The following DOT1L variants were observed in gnomAD, a reference collection of about 807,000 sequenced individuals.
The protein encoded by DOT1L is histone-lysine N-methyltransferase, H3 lysine-79 specific.
In DOT1L, 33 loss-of-function variants were observed where a neutral mutation model predicts 153.3. The ratio of observed to expected loss-of-function variants is 0.22; its 90% CI spans 0.16 to 0.29. DOT1L has a LOEUF of 0.29. Ranked by LOEUF, DOT1L falls within the 10% of genes least tolerant of loss-of-function variation. The pLI is 1.00. For synonymous variants in DOT1L, 1,135 were observed against 965.1 expected, an observed-to-expected ratio of 1.18 and a Z score of -3.26; for missense variants, 1,847 against 2,119.9, an observed-to-expected ratio of 0.87 and a Z score of 2.53.
At chr19:2,189,322 G>A (rs991747600) in intron 3 of DOT1L, among the ~76,000 whole-genome samples, 3 of 152,282 alleles carry the variant, frequency 2.0e-5, no homozygotes, top group East Asian at 1.9e-4. Context: ...TGCCTCTGGC[G>A]ATGGTGGCTG....
intron 13 of DOT1L, 35 bp downstream of exon 13, chr19:2,210,545 C>T (rs749216225): frequency 1.4e-5 from 22 of 1,588,148 alleles, no homozygotes; most frequent in Non-Finnish European, 1.9e-5. Flanking sequence ...TGCTGGAGGG[C>T]ACCCGCCCCC....
At chr19:2,200,487 A>G (rs1285019423) in intron 8 of DOT1L, among the ~76,000 whole-genome samples, 1 of 151,990 alleles carries the variant, frequency 6.6e-6, no homozygotes, top group African/African-American at 2.4e-5. Flanking sequence ...CGGGCTCTGT[A>G]TGGTTGGGCT....
chr19:2,165,744 G>A (rs931530288), intron 1 of DOT1L, among the ~76,000 whole-genome samples: 2 of 151,802 alleles, frequency 1.3e-5, no homozygotes, highest in African/African-American at 4.8e-5. Flanking sequence ...ACCACCGTCC[G>A]ACCAGCCCCA....
intron 3 of DOT1L, 68 bp downstream of exon 3, chr19:2,185,997 C>A: frequency 6.8e-7 from 1 of 1,465,798 alleles, no homozygotes; most frequent in African/African-American, 1.4e-5. Context: ...GACAGGAGGA[C>A]GCATCCTATA....
chr19:2,190,946 T>C lies in DOT1L; in HGVS notation c.265-66T>C. The C allele has an allele frequency of 7.5e-7, 1 of 1,326,954 alleles. No individual in the cohort carries two copies. Among genetic ancestry groups the C allele is most frequent in the Non-Finnish European group, 1.0e-6 (1 of 971,368 alleles). The allele number at this position is 1,326,954 out of a possible 1,614,324, so 82.2% of individuals were successfully genotyped here. A position where few individuals can be genotyped will look rare whatever the true frequency, so the allele number is the denominator to read the frequency against. Reference sequence around the variant, plus strand: ...TGCTTCCGCTGGGAAAGGTCCCGGGTCTTGGTGGTGGAGGGGCTGGGCCGT... The same window carrying C: ...TGCTTCCGCTGGGAAAGGTCCCGGGCCTTGGTGGTGGAGGGGCTGGGCCGT... On this transcript the variant is annotated intron_variant, in intron 4 of 27. Transcript: ENST00000398665. This position sits in a 1 kb window ranked among gnomAD's most constrained non-coding sequence, Gnocchi z 4.8.
chr19:2,229,436 G>C (rs1264487968), intron 27 of DOT1L: 5 of 985,364 alleles, frequency 5.1e-6, no homozygotes, highest in Non-Finnish European at 6.0e-6. Context: ...GGCCAGGGCT[G>C]GTCAGCCTGG....
At chr19:2,164,518 G>A (rs1209393680) in intron 1 of DOT1L, 6 of 300,134 alleles carry the variant, frequency 2.0e-5, no homozygotes, top group African/African-American at 4.4e-5. Context: ...CGGTGCCGTT[G>A]CCCCCGCCGG....
intron 1 of DOT1L, among the ~76,000 whole-genome samples, chr19:2,166,077 A>ATATGTTATGTTATGT (rs369384556): frequency 4.1e-5 from 6 of 146,420 alleles, no homozygotes; most frequent in African/African-American, 1.5e-4. Flanking sequence ...GCCCACATTT[A>ATATGTTATGTTATGT]TATGTTATGT....
At chr19:2,227,863 C>G in intron 27 of DOT1L, 1 of 1,281,780 alleles carries the variant, frequency 7.8e-7, no homozygotes, top group Non-Finnish European at 1.0e-6. Context: ...AGCGCCTCGG[C>G]CTCTTCCTTT....
intron 27 of DOT1L, chr19:2,228,821 C>G: frequency 1.0e-6 from 1 of 985,420 alleles, no homozygotes; most frequent in Non-Finnish European, 1.2e-6. Flanking sequence ...AGGCACGGTG[C>G]CGGCTGCAGA....
chr19:2,184,670 C>G (rs922499863), intron 2 of DOT1L, among the ~76,000 whole-genome samples: 5 of 152,158 alleles, frequency 3.3e-5, no homozygotes, highest in African/African-American at 1.2e-4. Flanking sequence ...GAAGGCGTGT[C>G]CTTCCATTTC....
intron 15 of DOT1L, among the ~76,000 whole-genome samples, 182 bp downstream of exon 15, chr19:2,211,394 G>A (rs1249044624): frequency 6.6e-6 from 1 of 152,214 alleles, no homozygotes; most frequent in African/African-American, 2.4e-5. Context: ...TGCAGCCTGT[G>A]GGTTGTCTGA....
At position 2,232,470 on chromosome 19, in the gene DOT1L, G is replaced by A. The variant is rs895501580; in HGVS notation, c.*2678G>A. On this transcript the variant is annotated 3_prime_UTR_variant, in exon 28 of 28. Transcript: ENST00000398665. ...CGGGTGAACTGTATTTGGATTGCGC[G>A]CATTGTCACGGTCCGCCCCTGGGCT... The A allele has an allele frequency of 7.2e-5, 16 of 222,282 alleles. No homozygotes were observed. Among genetic ancestry groups the A allele is most frequent in the Non-Finnish European group, 9.9e-5 (11 of 111,302 alleles). 13.8% of individuals were successfully genotyped at this position (222,282 alleles called of 1,614,324 possible).
At chr19:2,229,129 G>A in intron 27 of DOT1L, 1 of 985,380 alleles carries the variant, frequency 1.0e-6, no homozygotes, top group Non-Finnish European at 1.2e-6. Context: ...CCACCTTTGA[G>A]ACCAGAAGGA....
rs759547836 is a variant in DOT1L at position 2,207,554 on chromosome 19, C to T, written c.857-20C>T. The T allele has an allele frequency of 1.2e-6, 2 of 1,601,790 alleles. No individual in the cohort carries two copies. The highest frequency in any genetic ancestry group is 3.4e-5 in the Admixed American group (2 of 59,370). On this transcript the variant is annotated intron_variant, in intron 10 of 27. Coordinates refer to ENST00000398665, the MANE Select transcript of DOT1L (RefSeq NM_032482.3). The surrounding 1 kb of genome is among the most constrained non-coding windows in gnomAD (Gnocchi z 4.5). ...GCTGTGGGCAGGCGCAGGCCCCGGC[C>T]TCACCTGTGGCTCCTGCAGACATCG...
intron 1 of DOT1L, among the ~76,000 whole-genome samples, chr19:2,165,091 C>T (rs1599517490): frequency 1.3e-5 from 2 of 152,220 alleles, no homozygotes; most frequent in African/African-American, 2.4e-5. Context: ...GGGTGCGAGT[C>T]CCGGCGTGGC....
chr19:2,221,959 C>T lies in DOT1L; in HGVS notation c.2807-17C>T. On this transcript the variant is annotated splice_polypyrimidine_tract_variant and intron_variant, in intron 23 of 27. Coordinates refer to ENST00000398665, the MANE Select transcript of DOT1L (RefSeq NM_032482.3). ...GCCATCCTGTGTCCCCTGAGACCCC[C>T]ATGTCCTTCCCGGCAGGCTTCTCCT... 6.3e-7 allele frequency: 1 copy of T among 1,587,638 alleles called. No homozygotes were observed. The highest frequency in any genetic ancestry group is 8.6e-7 in the Non-Finnish European group (1 of 1,167,124).
chr19:2,170,524 A>T (rs2021556394), intron 1 of DOT1L, among the ~76,000 whole-genome samples: 1 of 152,034 alleles, frequency 6.6e-6, no homozygotes, highest in Non-Finnish European at 1.5e-5. Context: ...TGTGTTTCCT[A>T]CTGGGCAGCC....
In DOT1L at chr19:2,217,915, G is replaced by A. The variant is rs576682287; in HGVS notation, c.2688G>A (p.Arg896=). The part of the protein sequence containing the change: ...ASVVLPSRAE[R]ARSTPSPVLQ... ...TGGTGCTGCCCAGCCGCGCCGAGAGGGCGGTGAGTGGCTCCCAGGTGGCTG... is the reference window on the plus strand; with the variant it reads ...TGGTGCTGCCCAGCCGCGCCGAGAGAGCGGTGAGTGGCTCCCAGGTGGCTG... The change falls in exon 22 of 28, where the codon AGG becomes AGA. Residue 896 remains arginine (R), a synonymous_variant. Transcript: ENST00000398665. This position sits in a 1 kb window ranked among gnomAD's most constrained non-coding sequence, Gnocchi z 7.3. 4.7e-5 allele frequency: 75 copies of A among 1,611,120 alleles called. 1 individual carries two copies. In the South Asian group the frequency reaches 7.8e-4, roughly 17 times the overall value.
Sources: gnomAD v4.1 joint callset for allele counts (sites outside exome capture counted in the v4.1 genomes callset) on GRCh38, gnomAD v4.1.1 for gene constraint, Gnocchi (gnomAD v3.1) non-coding constraint, MANE v1.5 for transcripts, NCBI Gene and HGNC (gene_info 2026-07-23, HGNC 2026-07-21) for gene names.